NELL2: variants seen among roughly 807,000 people sequenced by gnomAD.
NELL2 encodes the protein neural EGFL like 2, also known as protein kinase C-binding protein NELL2.
A neutral mutation model predicts 109.6 loss-of-function variants in NELL2; 41 were observed. That is an observed-to-expected ratio of 0.37 (90% CI 0.29 to 0.49). The LOEUF is 0.49. NELL2 is among the 20% of genes least tolerant of loss of function. The pLI is 0.98. For missense variants in NELL2, 900 were observed against 1,008.3 expected, an observed-to-expected ratio of 0.89 and a Z score of 1.45; for synonymous variants, 355 against 344.7, an observed-to-expected ratio of 1.03 and a Z score of -0.33.
chr12:44,711,745 A>T (rs552600421), intron 10 of NELL2, among the ~76,000 whole-genome samples: 41 of 152,134 alleles, frequency 2.7e-4, no homozygotes, highest in African/African-American at 9.4e-4. Flanking sequence ...TTATATCAAC[A>T]GCTTTTGAAA....
intron 2 of NELL2, among the ~76,000 whole-genome samples, chr12:44,864,226 C>T (rs1362590396): frequency 1.3e-5 from 2 of 151,996 alleles, no homozygotes; most frequent in Non-Finnish European, 2.9e-5. Context: ...CAATAGTTAC[C>T]CTGAAAGCAA....
rs773375620 is a variant in NELL2, at chr12:44,875,335, T to C, written c.74A>G (p.Asp25Gly). 2.5e-6 allele frequency: 4 copies of C among 1,613,812 alleles called. No individual in the cohort carries two copies. The highest frequency in any genetic ancestry group is 4.5e-5 in the East Asian group (2 of 44,856). The change falls in exon 2 of 20, where the codon GAC becomes GGC. Residue 25 changes from aspartate (D) to glycine (G), a missense_variant. Asp to Gly is a moderately conservative substitution (Grantham distance 94). This residue lies in a region of NELL2 where 200 missense variants were observed against 191.8 expected (regional missense o/e 1.04). Transcript: ENST00000429094. ...TAAGACGTCAATCTGTAGGGAAGGG[T>C]CCACACCAAGCCCCCAAACTGGTGA... is the stretch of plus-strand genomic sequence containing the variant. ...GLGAVWGLGV[D>G]PSLQIDVLTE...
chr12:44,640,281 T>G (rs532865286), intron 13 of NELL2, among the ~76,000 whole-genome samples: 1 of 152,178 alleles, frequency 6.6e-6, no homozygotes, highest in Admixed American at 6.5e-5. Context: ...CTCTTAGTCT[T>G]CACAACAACC....
At chr12:44,906,060 A>C (rs902919126) in intron 1 of NELL2, among the ~76,000 whole-genome samples, 9 of 152,136 alleles carry the variant, frequency 5.9e-5, no homozygotes, top group African/African-American at 1.7e-4. Context: ...TTAACTTTTA[A>C]AATAGGGTGT....
chr12:44,633,830 G>A (rs1946542442), intron 13 of NELL2, among the ~76,000 whole-genome samples: 1 of 152,076 alleles, frequency 6.6e-6, no homozygotes, highest in Non-Finnish European at 1.5e-5. Flanking sequence ...AATGTGTTCA[G>A]TTGGCTGTCA....
intron 9 of NELL2, among the ~76,000 whole-genome samples, chr12:44,734,106 A>G (rs1273604172): frequency 6.6e-6 from 1 of 151,926 alleles, no homozygotes; most frequent in East Asian, 1.9e-4. Context: ...ACTTTACTCT[A>G]TGTATTTGTC....
chr12:44,706,337 A>G (rs1937876833), intron 11 of NELL2, among the ~76,000 whole-genome samples: 1 of 152,256 alleles, frequency 6.6e-6, no homozygotes, highest in Non-Finnish European at 1.5e-5. Context: ...AAAGCTAACA[A>G]TTAATGGATG....
chr12:44,583,867 G>A, intron 15 of NELL2, among the ~76,000 whole-genome samples: 1 of 152,134 alleles, frequency 6.6e-6, no homozygotes, highest in East Asian at 1.9e-4. Context: ...CTGCCTCCCA[G>A]GCTCAAGCCA....
intron 3 of NELL2, among the ~76,000 whole-genome samples, chr12:44,811,763 A>AAG (rs1424977836): frequency 6.6e-6 from 1 of 152,098 alleles, no homozygotes; most frequent in Non-Finnish European, 1.5e-5. Context: ...AGACATAAGG[A>AAG]AGAGAGAGCC....
chr12:44,780,026 C>A lies in NELL2; in HGVS notation c.336-4G>T, dbSNP rs757134358. 1.1e-5 allele frequency: 17 copies of A among 1,612,958 alleles called. No homozygotes were observed. Among genetic ancestry groups the A allele is most frequent in the African/African-American group, 5.3e-5 (4 of 74,854 alleles). On this transcript the variant is annotated splice_region_variant and splice_polypyrimidine_tract_variant and intron_variant, in intron 3 of 19. Transcript: ENST00000429094. ...ACTACTTTCCAGTTCCAGGTACCTG[C>A]AGAGAGAAGAGCCACATGGGACACA...
At chr12:44,876,696 C>A, upstream of NELL2, 2 of 1,550,192 alleles carry the variant, frequency 1.3e-6, no homozygotes, top group Non-Finnish European at 1.7e-6. Flanking sequence ...TAGCGCTCGC[C>A]TGCCCTTTAA....
At position 44,687,090 on chromosome 12, in the gene NELL2, G is replaced by T. The variant is rs139484336; in HGVS notation, c.1318+16636C>A. On this transcript the variant is annotated intron_variant, in intron 12 of 19. Coordinates refer to ENST00000429094, the MANE Select transcript of NELL2 (RefSeq NM_001145108.2). ...GGCATAGGACCCTCCGAGCCAAGTG[G>T]GGGATATAATCTCCTGGTGCACCAT... is the stretch of plus-strand genomic sequence containing the variant. 5.3e-5 allele frequency among the ~76,000 whole-genome samples: 8 copies of T among 152,310 alleles called. No individual in the cohort carries two copies. In the East Asian group the frequency reaches 1.5e-3, roughly 29 times the overall value.
At chr12:44,684,778 A>G (rs1174791938) in intron 12 of NELL2, among the ~76,000 whole-genome samples, 1 of 152,128 alleles carries the variant, frequency 6.6e-6, no homozygotes, top group Non-Finnish European at 1.5e-5. Flanking sequence ...CTGTGGTCTG[A>G]GAGATAGTTT....
chr12:44,541,388 G>T lies in NELL2; in HGVS notation c.1664-8667C>A, dbSNP rs1267570453. 2.0e-5 allele frequency among the ~76,000 whole-genome samples: 3 copies of T among 151,760 alleles called. No individual in the cohort carries two copies. The East Asian group carries it at 5.8e-4, about 29-fold the overall frequency. On this transcript the variant is annotated intron_variant, in intron 15 of 19. Transcript: ENST00000429094. ...AATAGGGCCACAGTGATTACAAAAG[G>T]ATATCCAGAGAGGAATAAAAAGTTC...
Position 44,876,177 on chromosome 12 carries a change from G to A in NELL2, c.-308C>T. On this transcript the variant is annotated 5_prime_UTR_variant, in exon 1 of 20. Coordinates refer to ENST00000429094, the MANE Select transcript of NELL2 (RefSeq NM_001145108.2). ...CCGGCGCGGCTCCGTCGGGGAATTA[G>A]CTCCCGAGCCGAATAAAAGCAGCCA... 1.6e-6 allele frequency: 2 copies of A among 1,249,450 alleles called. No homozygotes were observed. The highest frequency in any genetic ancestry group is 2.0e-6 in the Non-Finnish European group (2 of 992,534). The allele number at this position is 1,249,450 out of a possible 1,614,324, so 77.4% of individuals were successfully genotyped here.
chr12:44,673,554 G>T (rs1200500236), intron 12 of NELL2, among the ~76,000 whole-genome samples: 1 of 152,178 alleles, frequency 6.6e-6, no homozygotes, highest in East Asian at 1.9e-4. Context: ...CTGCCAAGTA[G>T]AAATATTCTG....
intron 2 of NELL2, among the ~76,000 whole-genome samples, chr12:44,853,405 C>T (rs1944587468): frequency 6.6e-6 from 1 of 152,198 alleles, no homozygotes; most frequent in African/African-American, 2.4e-5. Flanking sequence ...CCAGGCAAAC[C>T]CAAGTCTGAA....
rs1944699882 is a variant in NELL2, at chr12:44,590,354, T to C, written c.1663+16815A>G. Among the ~76,000 whole-genome samples the C allele has an allele frequency of 3.3e-5, 5 of 152,282 alleles. No individual in the cohort carries two copies. In the South Asian group the frequency reaches 8.3e-4, roughly 25 times the overall value. ...ATCACCCATTAGGAGAGATGACACA[T>C]TGCATTTTGAAGTCCCTGTGAATGT... On this transcript the variant is annotated intron_variant, in intron 15 of 19. Coordinates refer to ENST00000429094, the MANE Select transcript of NELL2 (RefSeq NM_001145108.2).
At chr12:44,920,177 A>G (rs964557590) in intron 1 of NELL2, among the ~76,000 whole-genome samples, 1 of 152,206 alleles carries the variant, frequency 6.6e-6, no homozygotes, top group African/African-American at 2.4e-5. Context: ...ATAGAAATAA[A>G]GTAGAAGAAT....
Sources: allele counts gnomAD v4.1 joint callset (sites outside exome capture counted in the v4.1 genomes callset), GRCh38; gene constraint gnomAD v4.1.1; regional missense constraint gnomAD v4.1.1; transcripts MANE v1.5; gene names NCBI Gene and HGNC (gene_info 2026-07-23, HGNC 2026-07-21).